The following DLX4 variants were observed in gnomAD, a reference collection of about 807,000 sequenced individuals.
DLX4 encodes distal-less homeobox 4, also known as homeobox protein DLX-4.
A neutral mutation model predicts 17.1 loss-of-function variants in DLX4; 13 were observed. The ratio of observed to expected loss-of-function variants is 0.76; its 90% CI spans 0.49 to 1.21. DLX4 has a LOEUF of 1.21. DLX4 is among the 50% of genes most tolerant of loss of function. DLX4 has a pLI of 0.00. For missense variants in DLX4, 297 were observed against 301.4 expected (o/e 0.99, Z 0.11); for synonymous variants, 129 against 140.3 (o/e 0.92, Z 0.57).
chr17:49,971,589 G>A (rs1905506492), intron 1 of DLX4, among the ~76,000 whole-genome samples: 1 of 152,072 alleles, frequency 6.6e-6, no homozygotes, highest in South Asian at 2.1e-4. Flanking sequence ...GAGAGTTGGG[G>A]CGCGGAGGGC....
At position 49,972,242 on chromosome 17, in the gene DLX4, G is replaced by C. The variant is rs1337907232; in HGVS notation, c.284-831G>C. On this transcript the variant is annotated intron_variant, in intron 1 of 2. Coordinates refer to ENST00000240306, the MANE Select transcript of DLX4 (RefSeq NM_138281.3). This position sits in a 1 kb window ranked among gnomAD's most constrained non-coding sequence, Gnocchi z 5.4. The stretch of plus-strand genomic sequence containing the variant: ...GAGCTAGGCGGGCCAGAGCTGACCA[G>C]ATCCCCCGCGGCGGCACCGCAGCGC... 1.3e-5 allele frequency: 2 copies of C among 152,286 alleles called. No homozygotes were observed. The highest frequency in any genetic ancestry group is 2.9e-5 in the Non-Finnish European group (2 of 68,110). 9.4% of individuals were successfully genotyped at this position (152,286 alleles called of 1,614,324 possible).
At chr17:49,968,578 G>A (rs559138100), upstream of DLX4, among the ~76,000 whole-genome samples, 3 of 152,270 alleles carry the variant, frequency 2.0e-5, no homozygotes, top group African/African-American at 7.2e-5. Context: ...TGCCGGAAGC[G>A]GAAGCCAGCA....
chr17:49,973,927 C>G lies in DLX4; in HGVS notation c.707C>G (p.Ser236Trp). The G allele has an allele frequency of 6.2e-7, 1 of 1,606,866 alleles. No homozygotes were observed. Residue 236 changes from serine (S) to tryptophan (W), a missense_variant, in exon 3 of 3, where the codon TCG (serine) becomes TGG (tryptophan). Ser to Trp is a radical substitution (Grantham distance 177, BLOSUM62 -3). Transcript: ENST00000240306. Reference protein sequence around the residue: ...YQHHSSDVLASPQMM With the variant: ...YQHHSSDVLAWPQMM ...CATCACTCCTCAGATGTCCTGGCTT[C>G]GCCTCAGATGATGTGAATCTGGGGA... is the stretch of plus-strand genomic sequence containing the variant.
chr17:49,973,150 A>T lies in DLX4; in HGVS notation c.361A>T (p.Arg121Trp). Reference sequence around the variant, plus strand: ...CCCCGCCAAAAAGCTCCGCAAGCCGAGGACCATCTACTCCAGCCTGCAGCT... The same window carrying T: ...CCCCGCCAAAAAGCTCCGCAAGCCGTGGACCATCTACTCCAGCCTGCAGCT... ...QAPAKKLRKP[R>W]TIYSSLQLQH... The change falls in exon 2 of 3, where the codon AGG becomes TGG. Residue 121 changes from arginine (R) to tryptophan (W), a missense_variant. Arg to Trp is a moderately radical substitution (Grantham distance 101). Coordinates refer to ENST00000240306, the MANE Select transcript of DLX4 (RefSeq NM_138281.3). 6.2e-7 allele frequency: 1 copy of T among 1,614,148 alleles called. No homozygotes were observed. Among genetic ancestry groups the T allele is most frequent in the Non-Finnish European group, 8.5e-7 (1 of 1,180,012 alleles).
At chr17:49,969,822 GC>G in intron 1 of DLX4, 71 bp downstream of exon 1, 1 of 1,282,070 alleles carries the variant, frequency 7.8e-7, no homozygotes. Context: ...CTTCTCCCTC[GC>G]CTGGTTGGAC....
At position 49,972,617 on chromosome 17, in the gene DLX4, T is replaced by A. The variant is rs1905548607; in HGVS notation, c.284-456T>A. On this transcript the variant is annotated intron_variant, in intron 1 of 2. Transcript: ENST00000240306. The surrounding 1 kb of genome is among the most constrained non-coding windows in gnomAD (Gnocchi z 5.4). ...GCCGGAGGCTGCCACGCGGACACCG[T>A]CTCAAGCCTCTGAGCATTGCTCTGA... 1.4e-6 allele frequency: 1 copy of A among 695,140 alleles called. No homozygotes were observed. Among genetic ancestry groups the A allele is most frequent in the African/African-American group, 1.9e-5 (1 of 52,552 alleles). 43.1% of individuals were successfully genotyped at this position (695,140 alleles called of 1,614,324 possible).
chr17:49,969,440 A>C lies in DLX4; in HGVS notation c.-29A>C. ...GCGGGAGCGGACTACGTGCCGGGCC[A>C]TGGCCCTTCTGCCCGGGCCCTGGCC... On this transcript the variant is annotated 5_prime_UTR_variant, in exon 1 of 3. The change abolishes an upstream ATG in the 5' untranslated region. Coordinates refer to ENST00000240306, the MANE Select transcript of DLX4 (RefSeq NM_138281.3). 1 of 1,507,928 alleles carries C rather than the reference A, an allele frequency of 6.6e-7. No individual in the cohort carries two copies. Among genetic ancestry groups the C allele is most frequent in the South Asian group, 1.3e-5 (1 of 76,024 alleles). The allele number at this position is 1,507,928 out of a possible 1,614,324, so 93.4% of individuals were successfully genotyped here. A position where few individuals can be genotyped will look rare whatever the true frequency, so the allele number is the denominator to read the frequency against.
At chr17:49,973,342 T>C (rs768591855) in intron 2 of DLX4, 73 bp downstream of exon 2, 2 of 1,553,786 alleles carry the variant, frequency 1.3e-6, no homozygotes, top group Non-Finnish European at 1.7e-6. Flanking sequence ...CAGCCCCAGC[T>C]GTGAATGACT....
rs376997322 is a variant in DLX4 at position 49,969,578 on chromosome 17, C to T, written c.110C>T (p.Pro37Leu). The change falls in exon 1 of 3, where the codon CCT becomes CTT. Residue 37 changes from proline (P) to leucine (L), a missense_variant. Transcript: ENST00000240306. ...GCTGCCTACCCGCTTGGCTTGTCCC[C>T]TACAACCGCAGCCTCCCCCAATTTG... ...VAAAYPLGLSPTTAASPNLSY... is the reference protein window; with the variant it reads ...VAAAYPLGLSLTTAASPNLSY... The T allele has an allele frequency of 1.9e-6, 3 of 1,613,606 alleles. No homozygotes were observed. In the East Asian group the frequency reaches 6.7e-5, roughly 36 times the overall value.
intron 2 of DLX4, 65 bp downstream of exon 2, chr17:49,973,334 G>A: frequency 6.3e-7 from 1 of 1,575,622 alleles, no homozygotes; most frequent in South Asian, 1.1e-5. Context: ...TCATCCCCCA[G>A]CCCCAGCTGT....
rs758228230 is a variant in DLX4, at chr17:49,973,974, C to T, written c.*31C>T. 11 of 1,578,126 alleles carry T rather than the reference C, an allele frequency of 7.0e-6. No homozygotes were observed. Among genetic ancestry groups the T allele is most frequent in the Non-Finnish European group, 9.5e-6 (11 of 1,160,976 alleles). On this transcript the variant is annotated 3_prime_UTR_variant, in exon 3 of 3. Coordinates refer to ENST00000240306, the MANE Select transcript of DLX4 (RefSeq NM_138281.3). Reference sequence around the variant, plus strand: ...GGGAAGGGCGGGTCAGGCCCACAGCCTTCCTGCAAAGCCCAGGACCCAGGC... The same window carrying T: ...GGGAAGGGCGGGTCAGGCCCACAGCTTTCCTGCAAAGCCCAGGACCCAGGC...
At position 49,973,142 on chromosome 17, in the gene DLX4, G is replaced by A. The variant is rs372156240; in HGVS notation, c.353G>A (p.Arg118His). Residue 118 changes from arginine (R) to histidine (H), a missense_variant, in exon 2 of 3, where the codon CGC becomes CAC. Physicochemically the swap from Arg to His is conservative, Grantham distance 29. Transcript: ENST00000240306. Reference protein sequence around the residue: ...RRPQAPAKKLRKPRTIYSSLQ... With the variant: ...RRPQAPAKKLHKPRTIYSSLQ... ...CCTCAGGCCCCCGCCAAAAAGCTCC[G>A]CAAGCCGAGGACCATCTACTCCAGC... 3 of 1,613,434 alleles carry A rather than the reference G, an allele frequency of 1.9e-6. No individual in the cohort carries two copies. The African/African-American group carries it at 4.0e-5, about 22-fold the overall frequency.
At position 49,973,096 on chromosome 17, in the gene DLX4, C is replaced by G. The variant is rs766294623; in HGVS notation, c.307C>G (p.Pro103Ala). 1.6e-5 allele frequency: 26 copies of G among 1,614,110 alleles called. 1 individual carries two copies. The highest frequency in any genetic ancestry group is 3.3e-4 in the Middle Eastern group (2 of 6,062). ...AGACTCGGAGAAGCCGCGGCTGTCC[C>G]CGGAACCCTCCGAGCGGCGCCCTCA... Reference protein sequence around the residue: ...EADSEKPRLSPEPSERRPQAP... With the variant: ...EADSEKPRLSAEPSERRPQAP... The change falls in exon 2 of 3, where the codon CCG (proline) becomes GCG (alanine). Residue 103 changes from proline (P) to alanine (A), a missense_variant. Pro to Ala is a conservative substitution (Grantham distance 27). Transcript: ENST00000240306.
rs781226107 is a variant in DLX4, at chr17:49,969,487, C to A, written c.19C>A (p.Pro7Thr). Residue 7 changes from proline (P) to threonine (T), a missense_variant, in exon 1 of 3, where the codon CCC (proline) becomes ACC (threonine). Transcript: ENST00000240306. MTSLPC[P>T]LPGRDASKAV... ...GGCCACAATGACCTCTTTGCCCTGC[C>A]CCCTCCCCGGCCGGGACGCCTCCAA... is the stretch of plus-strand genomic sequence containing the variant. 1 of 1,596,330 alleles carries A rather than the reference C, an allele frequency of 6.3e-7. No individual in the cohort carries two copies. Among genetic ancestry groups the A allele is most frequent in the South Asian group, 1.1e-5 (1 of 89,134 alleles).
Position 49,972,928 on chromosome 17 carries a change from G to A in DLX4, c.284-145G>A, listed in dbSNP as rs762595894. The stretch of plus-strand genomic sequence containing the variant: ...CTCCACGCGGAAGGTAGAGGGCAGG[G>A]GCCAAGGGGGCGATCCTGGTGGCTG... On this transcript the variant is annotated intron_variant, in intron 1 of 2. Transcript: ENST00000240306. The surrounding 1 kb of genome is among the most constrained non-coding windows in gnomAD (Gnocchi z 5.4). The A allele has an allele frequency of 1.6e-5, 24 of 1,478,076 alleles. No homozygotes were observed. Among genetic ancestry groups the A allele is most frequent in the Non-Finnish European group, 2.1e-5 (23 of 1,111,490 alleles). The allele number at this position is 1,478,076 out of a possible 1,614,324, so 91.6% of individuals were successfully genotyped here.
In DLX4 at chr17:49,972,734, G is replaced by A. The variant is rs759256513; in HGVS notation, c.284-339G>A. ...CTGCCCCGCCCTACCCCAAGCTGGC[G>A]CCACCGCCCGTGGCTGAACTCCGAC... On this transcript the variant is annotated intron_variant, in intron 1 of 2. Transcript: ENST00000240306. The surrounding 1 kb of genome is among the most constrained non-coding windows in gnomAD (Gnocchi z 5.4). 2.5e-5 allele frequency: 34 copies of A among 1,363,714 alleles called. No individual in the cohort carries two copies. The highest frequency in any genetic ancestry group is 3.1e-5 in the Non-Finnish European group (33 of 1,063,592). The allele number at this position is 1,363,714 out of a possible 1,614,324, so 84.5% of individuals were successfully genotyped here.
Position 49,973,874 on chromosome 17 carries a change from T to A in DLX4, c.654T>A (p.Tyr218Ter), listed in dbSNP as rs761130785. 2.0e-5 allele frequency: 32 copies of A among 1,612,426 alleles called. No individual in the cohort carries two copies. The highest frequency in any genetic ancestry group is 2.6e-5 in the Non-Finnish European group (31 of 1,179,338). The change falls in exon 3 of 3, where the codon TAT (tyrosine) becomes TAA (stop). Residue 218 changes from tyrosine to a stop codon, truncating the protein, a stop_gained. Transcript: ENST00000240306. LOFTEE classifies it high-confidence loss of function. ...CAGGGACCCTGCCCACCAGTGGCTA[T>A]GGCAACAGCTTTGGAGCCTGGTATC... is the stretch of plus-strand genomic sequence containing the variant. ...PKAGTLPTSG[Y>*]GNSFGAWYQH... is the part of the protein sequence containing the mutation.
In DLX4 at chr17:49,972,701, T is replaced by C; in HGVS notation, c.284-372T>C. ...CTAGGCCTCGGCTCAGCCCTGGACCTAGCCTTTCTGCCCCGCCCTACCCCA... is the reference window on the plus strand; with the variant it reads ...CTAGGCCTCGGCTCAGCCCTGGACCCAGCCTTTCTGCCCCGCCCTACCCCA... On this transcript the variant is annotated intron_variant, in intron 1 of 2. Coordinates refer to ENST00000240306, the MANE Select transcript of DLX4 (RefSeq NM_138281.3). The surrounding 1 kb of genome is among the most constrained non-coding windows in gnomAD (Gnocchi z 5.4). The C allele has an allele frequency of 4.5e-6, 6 of 1,336,122 alleles. No homozygotes were observed. The highest frequency in any genetic ancestry group is 5.7e-6 in the Non-Finnish European group (6 of 1,045,754). The allele number at this position is 1,336,122 out of a possible 1,614,324, so 82.8% of individuals were successfully genotyped here.
At chr17:49,970,408 C>G (rs1466257625) in intron 1 of DLX4, among the ~76,000 whole-genome samples, 2 of 152,230 alleles carry the variant, frequency 1.3e-5, no homozygotes, top group African/African-American at 4.8e-5. Context: ...AGTCGCTCAT[C>G]TCTCCCTGAC....
Sources: gnomAD v4.1 joint callset for allele counts (sites outside exome capture counted in the v4.1 genomes callset) on GRCh38, gnomAD v4.1.1 for gene constraint, Gnocchi (gnomAD v3.1) non-coding constraint, MANE v1.5 for transcripts, NCBI Gene and HGNC (gene_info 2026-07-23, HGNC 2026-07-21) for gene names.